Variants in MOB1A observed in about 807,000 individuals in gnomAD.
The protein encoded by MOB1A is MOB kinase activator 1A.
MOB1A carries 10 observed loss-of-function variants against 25.1 expected under a neutral mutation model. The observed-to-expected ratio is 0.40, with a 90% CI of 0.25 to 0.68. The LOEUF (loss-of-function observed/expected upper bound fraction) is 0.68, where lower values mean the gene tolerates loss of function less well. MOB1A is among the 30% of genes least tolerant of loss of function. The probability of loss-of-function intolerance (pLI) is 0.40; values close to 1 mark genes in which losing one functional copy is unlikely to be tolerated. For missense variants in MOB1A, 177 were observed against 256.3 expected (o/e 0.69, Z 2.11); for synonymous variants, 81 against 79.5 (o/e 1.02, Z -0.10).
Position 74,172,699 on chromosome 2 carries a change from G to A in MOB1A, c.68C>T (p.Ser23Phe), listed in dbSNP as rs745417977. 2 of 1,613,904 alleles carry A rather than the reference G, an allele frequency of 1.2e-6. No homozygotes were observed. Among genetic ancestry groups the A allele is most frequent in the South Asian group, 2.2e-5 (2 of 91,072 alleles). The change falls in exon 2 of 6, where the codon TCT (serine) becomes TTT (phenylalanine). Residue 23 changes from serine (S) to phenylalanine (F), a missense_variant. Ser to Phe is a radical substitution (Grantham distance 155). Coordinates refer to ENST00000396049, the MANE Select transcript of MOB1A (RefSeq NM_018221.5). ...ATGTTTTAAGAGTTCATACTGATGA[G>A]ATCCTTCAGGGATATTCTTCTTTGG... ...FKPKKNIPEG[S>F]HQYELLKHAE...
intron 3 of MOB1A, among the ~76,000 whole-genome samples, 199 bp from the exon 4 acceptor site, chr2:74,165,550 AG>A (rs1468861092): frequency 6.6e-6 from 1 of 152,244 alleles, no homozygotes; most frequent in Non-Finnish European, 1.5e-5. Flanking sequence ...GGAAGAAAAA[AG>A]GGAGATAATG....
intron 1 of MOB1A, among the ~76,000 whole-genome samples, chr2:74,175,905 A>G (rs1572968678): frequency 6.6e-6 from 1 of 152,258 alleles, no homozygotes; most frequent in African/African-American, 2.4e-5. Context: ...AGAACTATGG[A>G]CTTTTACTTT....
intron 1 of MOB1A, among the ~76,000 whole-genome samples, chr2:74,176,636 C>T (rs996869285): frequency 1.5e-4 from 22 of 151,138 alleles, no homozygotes; most frequent in Admixed American, 9.9e-4. Context: ...TGGTGGCAGG[C>T]GCCTGTAGTC....
chr2:74,175,331 G>A (rs1693421357), intron 1 of MOB1A, among the ~76,000 whole-genome samples: 1 of 152,120 alleles, frequency 6.6e-6, no homozygotes, highest in Non-Finnish European at 1.5e-5. Flanking sequence ...TGTCATAATA[G>A]AAATAAAGTG....
intron 4 of MOB1A, chr2:74,164,624 A>C (rs1035654246): frequency 2.6e-5 from 4 of 152,252 alleles, no homozygotes; most frequent in Admixed American, 2.6e-4. Context: ...TAAAAGATAT[A>C]ATAGGACAAA....
chr2:74,158,403 T>C (rs1692864241), intron 5 of MOB1A, among the ~76,000 whole-genome samples: 1 of 152,346 alleles, frequency 6.6e-6, no homozygotes, highest in Admixed American at 6.5e-5. Flanking sequence ...TGTAATTCAA[T>C]ATGCAAAATA....
intron 1 of MOB1A, among the ~76,000 whole-genome samples, chr2:74,176,819 C>T (rs1022779965): frequency 2.0e-5 from 3 of 151,064 alleles, no homozygotes; most frequent in African/African-American, 7.3e-5. Context: ...GGAAATTGGA[C>T]CCCTCATAGA....
rs1430816715 is a variant in MOB1A, at chr2:74,156,511, T to G, written c.*57A>C. The G allele has an allele frequency of 1.3e-3, 1,528 of 1,212,376 alleles. No individual in the cohort carries two copies. The highest frequency in any genetic ancestry group is 1.7e-3 in the Non-Finnish European group (1,385 of 839,032). 75.1% of individuals were successfully genotyped at this position (1,212,376 alleles called of 1,614,324 possible). On this transcript the variant is annotated 3_prime_UTR_variant, in exon 6 of 6. Transcript: ENST00000396049. ...ATCACTAGTCTATAACAGATAGCAATGAGATAGTTCTAGCAATAGATGAAG... is the reference window on the plus strand; with the variant it reads ...ATCACTAGTCTATAACAGATAGCAAGGAGATAGTTCTAGCAATAGATGAAG...
chr2:74,159,827 C>G (rs796462021), intron 4 of MOB1A, among the ~76,000 whole-genome samples: 3 of 106,462 alleles, frequency 2.8e-5, no homozygotes, highest in South Asian at 7.9e-4. Flanking sequence ...GTCCCCCCCC[C>G]CACCCCGGAG....
chr2:74,169,563 C>T (rs182576102), intron 2 of MOB1A, among the ~76,000 whole-genome samples: 16 of 152,180 alleles, frequency 1.1e-4, no homozygotes, highest in East Asian at 3.9e-4. Context: ...CAGAGTATCA[C>T]GAGATATACC....
intron 3 of MOB1A, 25 bp from the exon 4 acceptor site, chr2:74,165,376 T>A: frequency 7.0e-7 from 1 of 1,419,894 alleles, no homozygotes; most frequent in Non-Finnish European, 9.3e-7. Flanking sequence ...GTTTTACTGA[T>A]AAATTTTTCA....
intron 1 of MOB1A, 96 bp downstream of exon 1, chr2:74,178,565 C>CTGGA: frequency 1.1e-6 from 1 of 916,708 alleles, no homozygotes; most frequent in Non-Finnish European, 1.5e-6. Flanking sequence ...CCGCCCCCGC[C>CTGGA]TCGGCCCCCA....
chr2:74,159,823 C>T (rs529140564), intron 4 of MOB1A, among the ~76,000 whole-genome samples: 3 of 102,720 alleles, frequency 2.9e-5, no homozygotes, highest in East Asian at 2.8e-4. Flanking sequence ...TTTTGTCCCC[C>T]CCCCCACCCC....
chr2:74,156,294 A>G lies in MOB1A; in HGVS notation c.*274T>C. 3.1e-6 allele frequency: 1 copy of G among 323,680 alleles called. No homozygotes were observed. The highest frequency in any genetic ancestry group is 5.6e-6 in the Non-Finnish European group (1 of 178,044). The allele number at this position is 323,680 out of a possible 1,614,324, so 20.1% of individuals were successfully genotyped here. On this transcript the variant is annotated 3_prime_UTR_variant, in exon 6 of 6. Transcript: ENST00000396049. ...AGAATAATAAGTAAATTTATAAGCT[A>G]CAGGTTAACCATCACATATTACAAC... is the stretch of plus-strand genomic sequence containing the variant.
At chr2:74,173,985 A>T (rs567867298) in intron 1 of MOB1A, among the ~76,000 whole-genome samples, 35 of 143,050 alleles carry the variant, frequency 2.4e-4, no homozygotes, top group African/African-American at 8.6e-4. Flanking sequence ...TGATGGGGCC[A>T]TGGCTAGGTG....
chr2:74,178,017 A>G (rs1693526165), intron 1 of MOB1A: 1 of 82,784 alleles, frequency 1.2e-5, no homozygotes, highest in South Asian at 2.6e-4. Flanking sequence ...GGGACTATGA[A>G]TTTGTTTTAA....
rs1051614048 is a variant in MOB1A at position 74,159,314 on chromosome 2, A to G, written c.410-60T>C. On this transcript the variant is annotated intron_variant, in intron 4 of 5. Coordinates refer to ENST00000396049, the MANE Select transcript of MOB1A (RefSeq NM_018221.5). Reference sequence around the variant, plus strand: ...GTTATCTAACAGTAGAAAGTTGTTTATTTGTGACAGGGTCTCACTTTGTCA... The same window carrying G: ...GTTATCTAACAGTAGAAAGTTGTTTGTTTGTGACAGGGTCTCACTTTGTCA... 270 of 1,478,556 alleles carry G rather than the reference A, an allele frequency of 1.8e-4. 2 individuals carry two copies. The highest frequency in any genetic ancestry group is 4.6e-5 in the Non-Finnish European group (49 of 1,069,098). The allele number at this position is 1,478,556 out of a possible 1,614,324, so 91.6% of individuals were successfully genotyped here. A position where few individuals can be genotyped will look rare whatever the true frequency, so the allele number is the denominator to read the frequency against.
At chr2:74,160,735 G>C (rs905151717) in intron 4 of MOB1A, among the ~76,000 whole-genome samples, 8 of 151,956 alleles carry the variant, frequency 5.3e-5, no homozygotes, top group Non-Finnish European at 1.2e-4. Context: ...GAAAACAACG[G>C]GGGTAGAGTT....
intron 1 of MOB1A, among the ~76,000 whole-genome samples, chr2:74,176,396 A>C (rs1164645247): frequency 6.6e-6 from 1 of 151,788 alleles, no homozygotes; most frequent in Non-Finnish European, 1.5e-5. Flanking sequence ...AAATATTTGC[A>C]AATCATAGAT....
Sources: allele counts gnomAD v4.1 joint callset (sites outside exome capture counted in the v4.1 genomes callset), GRCh38; gene constraint gnomAD v4.1.1; transcripts MANE v1.5; gene names NCBI Gene and HGNC (gene_info 2026-07-23, HGNC 2026-07-21).